PPIH: variants seen among roughly 807,000 people sequenced by gnomAD.
PPIH encodes peptidylprolyl isomerase H.
PPIH carries 16 observed loss-of-function variants against 27.6 expected under a neutral mutation model. That is an observed-to-expected ratio of 0.58 (90% CI 0.39 to 0.88). The LOEUF is 0.88. PPIH is among the 40% of genes least tolerant of loss of function. The pLI, the probability that PPIH is intolerant of heterozygous loss-of-function variation, is 0.00. For missense variants in PPIH, 155 were observed against 224.1 expected (o/e 0.69, Z 1.97); for synonymous variants, 63 against 76.1 (o/e 0.83, Z 0.90).
At chr1:42,666,362 G>T (rs1649336926) in intron 7 of PPIH, among the ~76,000 whole-genome samples, 185 bp from the exon 8 acceptor site, 1 of 152,158 alleles carries the variant, frequency 6.6e-6, no homozygotes, top group African/African-American at 2.4e-5. Context: ...AGTCACTCAG[G>T]TATAAGTTTG....
At chr1:42,666,174 G>A (rs1054537371) in intron 7 of PPIH, 107 bp downstream of exon 7, 9 of 1,053,974 alleles carry the variant, frequency 8.5e-6, no homozygotes, top group Non-Finnish European at 1.3e-5. Flanking sequence ...CTGTGTAACT[G>A]CTTAGGTGGT....
At chr1:42,680,038 A>G (rs1649981565), downstream of PPIH, among the ~76,000 whole-genome samples, 2 of 152,238 alleles carry the variant, frequency 1.3e-5, no homozygotes, top group Admixed American at 6.5e-5. Flanking sequence ...CTGGTGGGGA[A>G]CATTTAATTA....
intron 4 of PPIH, 97 bp from the exon 5 acceptor site, chr1:42,660,765 G>T: frequency 9.4e-7 from 1 of 1,065,298 alleles, no homozygotes; most frequent in South Asian, 1.6e-5. Flanking sequence ...AAGTGATAGT[G>T]TATTTTGAAA....
chr1:42,677,977 G>A (rs894300309), downstream of PPIH, among the ~76,000 whole-genome samples: 4 of 152,238 alleles, frequency 2.6e-5, no homozygotes, highest in African/African-American at 7.2e-5. Flanking sequence ...GTAGCAAACA[G>A]CTGAATTCTA....
chr1:42,665,896 A>G (rs1649304843), intron 6 of PPIH, 84 bp from the exon 7 acceptor site: 1 of 1,074,832 alleles, frequency 9.3e-7, no homozygotes, highest in African/African-American at 1.5e-5. Flanking sequence ...TAGAGGAATC[A>G]GTGTTACAAG....
At chr1:42,662,647 A>G (rs1649103670) in intron 5 of PPIH, among the ~76,000 whole-genome samples, 1 of 152,060 alleles carries the variant, frequency 6.6e-6, no homozygotes, top group African/African-American at 2.4e-5. Context: ...AGACCTTCCA[A>G]AGTTTGACCA....
At chr1:42,674,829 T>C (rs1250682325) in intron 9 of PPIH, among the ~76,000 whole-genome samples, 2 of 152,166 alleles carry the variant, frequency 1.3e-5, no homozygotes, top group Admixed American at 6.5e-5. Context: ...CACTGTATGT[T>C]CCCTGTCCTG....
chr1:42,661,084 C>CTG (rs913005021), intron 5 of PPIH, 180 bp downstream of exon 5: 1 of 583,362 alleles, frequency 1.7e-6, no homozygotes, highest in African/African-American at 1.9e-5. Context: ...GTACGACTGA[C>CTG]TGTAGATAAC....
intron 9 of PPIH, among the ~76,000 whole-genome samples, chr1:42,671,885 CTT>C (rs373111692): frequency 1.8e-3 from 249 of 140,274 alleles, no homozygotes; most frequent in Non-Finnish European, 1.9e-3. Flanking sequence ...TTCTTTCTTT[CTT>C]TTTTTTTTTT....
At chr1:42,672,614 G>C (rs1247017775) in intron 9 of PPIH, among the ~76,000 whole-genome samples, 2 of 151,952 alleles carry the variant, frequency 1.3e-5, no homozygotes, top group Non-Finnish European at 2.9e-5. Flanking sequence ...CCTAGGTTCT[G>C]ACTTTGGTTT....
intron 9 of PPIH, among the ~76,000 whole-genome samples, chr1:42,673,531 G>A (rs1329486477): frequency 6.6e-6 from 1 of 152,176 alleles, no homozygotes; most frequent in Admixed American, 6.5e-5. Context: ...ATTCATTGTT[G>A]CCTAGATTCT....
At chr1:42,662,670 T>G (rs2148712271) in intron 5 of PPIH, among the ~76,000 whole-genome samples, 1 of 152,336 alleles carries the variant, frequency 6.6e-6, no homozygotes, top group South Asian at 2.1e-4. Flanking sequence ...AATATTTGTT[T>G]GTTCATTTAT....
At chr1:42,668,293 A>C (rs189114484) in intron 9 of PPIH, among the ~76,000 whole-genome samples, 43 of 151,960 alleles carry the variant, frequency 2.8e-4, no homozygotes, top group African/African-American at 9.4e-4. Context: ...CTTTGCCTTG[A>C]CATTTGTTTT....
downstream of PPIH, among the ~76,000 whole-genome samples, chr1:42,678,180 T>C (rs535556818): frequency 6.6e-6 from 1 of 152,120 alleles, no homozygotes; most frequent in East Asian, 1.9e-4. Context: ...TGTAAAGAGA[T>C]GGGGAGGATG....
At chr1:42,666,519 T>TA (rs1206015786) in intron 7 of PPIH, 28 bp from the exon 8 acceptor site, 3 of 1,610,066 alleles carry the variant, frequency 1.9e-6, no homozygotes, top group Admixed American at 1.7e-5. Flanking sequence ...TAAACAAGAA[T>TA]AAAGTCCAGC....
intron 5 of PPIH, 169 bp downstream of exon 5, chr1:42,661,073 G>T: frequency 3.3e-6 from 2 of 605,500 alleles, no homozygotes. Context: ...AAAGTGGCTG[G>T]GTACGACTGA....
downstream of PPIH, among the ~76,000 whole-genome samples, chr1:42,677,202 C>T (rs750820550): frequency 1.3e-5 from 2 of 151,966 alleles, no homozygotes; most frequent in African/African-American, 4.8e-5. Context: ...GACCGGGTGC[C>T]GTGGCTCACA....
intron 1 of PPIH, 30 bp downstream of exon 1, chr1:42,658,542 G>A: frequency 6.2e-7 from 1 of 1,601,276 alleles, no homozygotes; most frequent in Non-Finnish European, 8.6e-7. Context: ...CCACACCTGC[G>A]CCGAAGGGAA....
chr1:42,675,454 T>A (rs1252295766), intron 9 of PPIH: 2 of 152,256 alleles, frequency 1.3e-5, no homozygotes, highest in Non-Finnish European at 2.9e-5. Context: ...AATATGTAAG[T>A]CTGTTTTTCT....
Sources: gnomAD v4.1 joint callset for allele counts (sites outside exome capture counted in the v4.1 genomes callset) on GRCh38, gnomAD v4.1.1 for gene constraint, MANE v1.5 for transcripts, NCBI Gene and HGNC (gene_info 2026-07-23, HGNC 2026-07-21) for gene names.